The following LRRC38 variants were observed in gnomAD, a reference collection of about 807,000 sequenced individuals.
LRRC38 encodes the protein leucine-rich repeat-containing protein 38.
A neutral mutation model predicts 16.4 loss-of-function variants in LRRC38; 5 were observed. The ratio of observed to expected loss-of-function variants is 0.31; its 90% CI spans 0.16 to 0.64. The LOEUF (loss-of-function observed/expected upper bound fraction) is 0.64. LRRC38 is among the 30% of genes least tolerant of loss of function. The pLI is 0.80. For synonymous variants in LRRC38, 191 were observed against 190.2 expected (o/e 1.00, Z -0.04); for missense variants, 341 against 401.8 (o/e 0.85, Z 1.29).
At chr1:13,485,965 C>A (rs61781241) in intron 1 of LRRC38, among the ~76,000 whole-genome samples, 9,868 of 152,200 alleles carry the variant, frequency 0.065, 404 homozygotes, top group Middle Eastern at 0.12. Flanking sequence ...CGGAGTCTCG[C>A]TCTGTCACCC....
At chr1:13,511,345 G>C (rs1639271531) in intron 1 of LRRC38, among the ~76,000 whole-genome samples, 1 of 152,074 alleles carries the variant, frequency 6.6e-6, no homozygotes, top group Non-Finnish European at 1.5e-5. Flanking sequence ...CCAGATTTTA[G>C]GCCAGGACTT....
chr1:13,512,939 C>CCCAG, intron 1 of LRRC38, 24 bp downstream of exon 1: 9 of 1,524,974 alleles, frequency 5.9e-6, no homozygotes, highest in South Asian at 3.6e-5. Flanking sequence ...CCCTCCCTCC[C>CCCAG]CCAGCCTAGC....
At chr1:13,503,455 G>A (rs1639174242) in intron 1 of LRRC38, among the ~76,000 whole-genome samples, 1 of 152,180 alleles carries the variant, frequency 6.6e-6, no homozygotes, top group African/African-American at 2.4e-5. Flanking sequence ...TTTTAGTAGA[G>A]ACGGGGTTTC....
In LRRC38 at chr1:13,476,109, G is replaced by A. The variant is rs1196999320; in HGVS notation, c.632-10C>T. ...TGGATTTCATCAAGGCCTGAGAAAA[G>A]GCAGGCAGAGGAGAGAGAGATTTAG... is the stretch of plus-strand genomic sequence containing the variant. On this transcript the variant is annotated splice_polypyrimidine_tract_variant and intron_variant, in intron 1 of 1. Transcript: ENST00000376085. 10 of 1,549,884 alleles carry A rather than the reference G, an allele frequency of 6.5e-6. No homozygotes were observed. Among genetic ancestry groups the A allele is most frequent in the Admixed American group, 3.9e-5 (2 of 50,962 alleles).
At chr1:13,489,362 A>G (rs1488232614) in intron 1 of LRRC38, among the ~76,000 whole-genome samples, 2 of 152,190 alleles carry the variant, frequency 1.3e-5, no homozygotes, top group African/African-American at 4.8e-5. Flanking sequence ...TTTCACGCCC[A>G]CAGCCAGCCT....
chr1:13,489,777 C>G (rs6682501), intron 1 of LRRC38, among the ~76,000 whole-genome samples: 1 of 151,994 alleles, frequency 6.6e-6, no homozygotes, highest in African/African-American at 2.4e-5. Flanking sequence ...CATTAAATAT[C>G]GACAGTTGCA....
intron 1 of LRRC38, among the ~76,000 whole-genome samples, chr1:13,498,975 T>C (rs1639115478): frequency 6.6e-6 from 1 of 152,188 alleles, no homozygotes; most frequent in Admixed American, 6.5e-5. Flanking sequence ...CACCTTTACC[T>C]CTGCCTTCAT....
intron 1 of LRRC38, among the ~76,000 whole-genome samples, chr1:13,505,573 G>C (rs1023270721): frequency 6.6e-6 from 1 of 152,190 alleles, no homozygotes; most frequent in Admixed American, 6.5e-5. Flanking sequence ...CGCAGGGTGC[G>C]GCTGACAGCA....
chr1:13,500,898 T>C (rs355045), intron 1 of LRRC38, among the ~76,000 whole-genome samples: 105,540 of 151,974 alleles, frequency 0.69, 36,753 homozygotes, highest in Middle Eastern at 0.79. Flanking sequence ...TCAGTGGTCA[T>C]GAGGGGTTGA....
intron 1 of LRRC38, among the ~76,000 whole-genome samples, chr1:13,480,246 G>A (rs1038568978): frequency 6.6e-6 from 1 of 152,254 alleles, no homozygotes; most frequent in Admixed American, 6.5e-5. Context: ...TTGGGAGGCT[G>A]AGGCAAGAGA....
chr1:13,489,375 G>T (rs1164873863), intron 1 of LRRC38, among the ~76,000 whole-genome samples: 1 of 152,168 alleles, frequency 6.6e-6, no homozygotes, highest in Admixed American at 6.5e-5. Flanking sequence ...GCCAGCCTTG[G>T]TTTCACAGCA....
At chr1:13,490,818 G>T (rs1639002038) in intron 1 of LRRC38, among the ~76,000 whole-genome samples, 1 of 152,086 alleles carries the variant, frequency 6.6e-6, no homozygotes, top group Non-Finnish European at 1.5e-5. Context: ...ACCCACTGTG[G>T]CTCCCTCCCA....
At chr1:13,504,943 A>G (rs1453954356) in intron 1 of LRRC38, among the ~76,000 whole-genome samples, 2 of 152,172 alleles carry the variant, frequency 1.3e-5, no homozygotes, top group Non-Finnish European at 2.9e-5. Context: ...AGCGAGGAAA[A>G]GGGGTGCTGT....
rs183206912 is a variant in LRRC38, at chr1:13,511,780, G to A, written c.631+1183C>T. ...GACTCTGCACCCTGCAGGCCAGATC[G>A]TTTTAGGAATTTCAGCCAGCCTGGG... On this transcript the variant is annotated intron_variant, in intron 1 of 1. Transcript: ENST00000376085. Among the ~76,000 whole-genome samples the A allele has an allele frequency of 2.6e-5, 4 of 152,200 alleles. No individual in the cohort carries two copies. The East Asian group carries it at 5.8e-4, about 22-fold the overall frequency.
intron 1 of LRRC38, among the ~76,000 whole-genome samples, chr1:13,501,977 G>C (rs1639156205): frequency 6.6e-6 from 1 of 151,692 alleles, no homozygotes; most frequent in Non-Finnish European, 1.5e-5. Flanking sequence ...ACCCAGGCTG[G>C]AATGCAGTGG....
chr1:13,499,166 G>A (rs937575759), intron 1 of LRRC38, among the ~76,000 whole-genome samples: 11 of 151,924 alleles, frequency 7.2e-5, no homozygotes, highest in African/African-American at 2.4e-4. Context: ...GCATGATCTC[G>A]GCTCACTATG....
intron 1 of LRRC38, among the ~76,000 whole-genome samples, chr1:13,494,777 G>A (rs1294846238): frequency 3.9e-5 from 6 of 152,200 alleles, no homozygotes; most frequent in Non-Finnish European, 5.9e-5. Context: ...TGGTCTCTCT[G>A]AGCTGTGCTT....
intron 1 of LRRC38, among the ~76,000 whole-genome samples, chr1:13,488,939 A>G (rs1014666338): frequency 1.3e-5 from 2 of 152,136 alleles, no homozygotes; most frequent in African/African-American, 4.8e-5. Context: ...TTGTGGGAAT[A>G]TGTCTTAGGG....
chr1:13,480,589 T>C (rs1638840614), intron 1 of LRRC38, among the ~76,000 whole-genome samples: 1 of 152,242 alleles, frequency 6.6e-6, no homozygotes, highest in Admixed American at 6.5e-5. Flanking sequence ...AAGGTGGAGA[T>C]AATTGAATCA....
Sources: gnomAD v4.1 joint callset for allele counts (sites outside exome capture counted in the v4.1 genomes callset) on GRCh38, gnomAD v4.1.1 for gene constraint, MANE v1.5 for transcripts, NCBI Gene and HGNC (gene_info 2026-07-23, HGNC 2026-07-21) for gene names.